The following MECR variants were observed in gnomAD, a reference collection of about 807,000 sequenced individuals.
MECR encodes the protein mitochondrial trans-2-enoyl-CoA reductase, also known as enoyl-[acyl-carrier-protein] reductase, mitochondrial.
A neutral mutation model predicts 49.1 loss-of-function variants in MECR; 37 were observed. The ratio of observed to expected loss-of-function variants is 0.75; its 90% confidence interval spans 0.58 to 0.99. The LOEUF is 0.99. Ranked by LOEUF, MECR falls within the 50% of genes least tolerant of loss-of-function variation. The pLI is 0.00. For missense variants in MECR, 470 were observed against 479.6 expected (o/e 0.98, Z 0.19); for synonymous variants, 198 against 191.1 (o/e 1.04, Z -0.30).
At chr1:29,178,064 T>C in the MECR span, among the ~76,000 whole-genome samples, 1 of 151,802 alleles carries the variant, frequency 6.6e-6, no homozygotes, top group African/African-American at 2.4e-5. Flanking sequence ...CACACCCAGC[T>C]AATCTTTGTA....
chr1:29,176,701 C>T, the MECR span, among the ~76,000 whole-genome samples: 1 of 152,080 alleles, frequency 6.6e-6, no homozygotes, highest in Non-Finnish European at 1.5e-5. Context: ...TACACAACAA[C>T]GACCTGCCTC....
chr1:29,169,079 TTAC>T, the MECR span: 66 of 152,378 alleles, frequency 4.3e-4, no homozygotes, highest in East Asian at 0.012. Flanking sequence ...TTTGTAATAA[TTAC>T]TACTCCTATT....
At chr1:29,185,661 C>T in the MECR span, among the ~76,000 whole-genome samples, 1 of 152,146 alleles carries the variant, frequency 6.6e-6, no homozygotes, top group Admixed American at 6.5e-5. Flanking sequence ...GTGATTCACC[C>T]GCCTGGGCCT....
intron 1 of MECR, among the ~76,000 whole-genome samples, chr1:29,217,377 TTTTA>T (rs150958101): frequency 0.11 from 16,930 of 151,070 alleles, 1,269 homozygotes; most frequent in East Asian, 0.4. Flanking sequence ...GCCCGGCTAA[TTTTA>T]TTTATTTATT....
chr1:29,170,103 C>T, the MECR span: 1 of 152,224 alleles, frequency 6.6e-6, no homozygotes, highest in African/African-American at 2.4e-5. Flanking sequence ...AAAGGGAGGG[C>T]AGATACAATC....
chr1:29,173,227 T>C, the MECR span: 1 of 133,692 alleles, frequency 7.5e-6, no homozygotes, highest in Non-Finnish European at 1.5e-5. Context: ...AAGCTCAGCC[T>C]CCCGGGTTCA....
intron 3 of MECR, among the ~76,000 whole-genome samples, chr1:29,207,187 T>A (rs889936352): frequency 6.6e-6 from 1 of 152,164 alleles, no homozygotes; most frequent in Non-Finnish European, 1.5e-5. Context: ...AATGGCGCGA[T>A]CTTGGCTCAC....
rs779540597 is a variant in MECR, at chr1:29,230,807, A to G, written c.100T>C (p.Tyr34His). 1.5e-5 allele frequency: 24 copies of G among 1,607,800 alleles called. No homozygotes were observed. Among genetic ancestry groups the G allele is most frequent in the Non-Finnish European group, 1.7e-5 (20 of 1,178,124 alleles). The change falls in exon 1 of 10, where the codon TAC becomes CAC. Residue 34 changes from tyrosine to histidine, a missense_variant. Transcript: ENST00000263702. ...CGGGCAGGCTCGGCGGATGCGGAGT[A>G]GGAGGAGGCGGCAGGTCCGTGACAG... The part of the protein sequence containing the change: ...SGCHGPAASS[Y>H]SASAEPARVR...
In MECR at chr1:29,192,698, A is replaced by G. The variant is rs1286759701; in HGVS notation, c.*1324T>C. On this transcript the variant is annotated 3_prime_UTR_variant, in exon 10 of 10. Transcript: ENST00000263702. ...TTTGAGCAAATGAATCGTGAAGCAA[A>G]TACCAAAAAGTCACGTCAAGCTCTT... Among the ~76,000 whole-genome samples, 1 of 152,100 alleles carries G rather than the reference A, an allele frequency of 6.6e-6. No homozygotes were observed. Among genetic ancestry groups the G allele is most frequent in the Non-Finnish European group, 1.5e-5 (1 of 68,014 alleles).
chr1:29,225,444 C>T (rs1681812198), intron 1 of MECR, among the ~76,000 whole-genome samples: 1 of 152,086 alleles, frequency 6.6e-6, no homozygotes, highest in South Asian at 2.1e-4. Flanking sequence ...AGGTAACCCC[C>T]TTCTGGGTGT....
intron 7 of MECR, among the ~76,000 whole-genome samples, chr1:29,196,643 G>A (rs969893368): frequency 3.3e-5 from 5 of 152,154 alleles, no homozygotes; most frequent in Admixed American, 6.5e-5. Context: ...AGCCCTGATC[G>A]CACTACTGCA....
downstream of MECR, among the ~76,000 whole-genome samples, chr1:29,188,236 C>T (rs1480319653): frequency 6.6e-6 from 1 of 151,522 alleles, no homozygotes; most frequent in Non-Finnish European, 1.5e-5. Flanking sequence ...GTTGCCCAGG[C>T]TGGAATGCAG....
At chr1:29,199,537 T>C (rs1674827832) in intron 7 of MECR, among the ~76,000 whole-genome samples, 1 of 152,182 alleles carries the variant, frequency 6.6e-6, no homozygotes, top group African/African-American at 2.4e-5. Flanking sequence ...TAGAAGCTTA[T>C]ATTAAGGGAA....
At chr1:29,170,716 T>C in the MECR span, 1 of 152,232 alleles carries the variant, frequency 6.6e-6, no homozygotes, top group African/African-American at 2.4e-5. Flanking sequence ...TCCATGTTTC[T>C]GGTCTGTGGT....
chr1:29,181,660 C>A, the MECR span: 17 of 1,592,554 alleles, frequency 1.1e-5, no homozygotes, highest in Admixed American at 1.7e-5. Flanking sequence ...TCTTCAGATC[C>A]ACCTCCAGGA....
At chr1:29,178,614 C>T in the MECR span, among the ~76,000 whole-genome samples, 1 of 152,106 alleles carries the variant, frequency 6.6e-6, no homozygotes, top group South Asian at 2.1e-4. Flanking sequence ...CCTCGGCCTC[C>T]CAAAGTGCTG....
chr1:29,228,483 C>G (rs1682658016), intron 1 of MECR, among the ~76,000 whole-genome samples: 1 of 151,784 alleles, frequency 6.6e-6, no homozygotes, highest in Admixed American at 6.6e-5. Context: ...TCCCGAGTAG[C>G]TGGAACTACA....
At chr1:29,177,960 T>C in the MECR span, among the ~76,000 whole-genome samples, 1 of 146,316 alleles carries the variant, frequency 6.8e-6, no homozygotes, top group Non-Finnish European at 1.5e-5. Context: ...AGTGCAGTGA[T>C]GCAATCTCTG....
chr1:29,199,162 G>A (rs1229961564), intron 7 of MECR, among the ~76,000 whole-genome samples: 2 of 152,214 alleles, frequency 1.3e-5, no homozygotes, highest in Non-Finnish European at 2.9e-5. Context: ...AGCTGAATCC[G>A]TACTATTGAG....
Sources: gnomAD v4.1 joint callset for allele counts (sites outside exome capture counted in the v4.1 genomes callset) on GRCh38, gnomAD v4.1.1 for gene constraint, MANE v1.5 for transcripts, NCBI Gene and HGNC (gene_info 2026-07-23, HGNC 2026-07-21) for gene names.